Variants in CTNNA2 observed in about 807,000 individuals in gnomAD.
CTNNA2 encodes catenin alpha-2.
In CTNNA2, 42 loss-of-function variants were observed where a neutral mutation model predicts 101.0. That is an observed-to-expected ratio of 0.42 (90% CI 0.32 to 0.54). The LOEUF (loss-of-function observed/expected upper bound fraction) is 0.54. CTNNA2 is among the 20% of genes least tolerant of loss of function. The pLI, the probability that CTNNA2 is intolerant of heterozygous loss-of-function variation, is 0.14. For missense variants in CTNNA2, 871 were observed against 1,223.1 expected (o/e 0.71, Z 4.29); for synonymous variants, 450 against 456.4 (o/e 0.99, Z 0.18).
At chr2:80,131,383 A>C (rs1702406878) in intron 7 of CTNNA2, among the ~76,000 whole-genome samples, 1 of 152,168 alleles carries the variant, frequency 6.6e-6, no homozygotes, top group Non-Finnish European at 1.5e-5. Context: ...TCATTGAGGA[A>C]AGCTGGGTGG....
At chr2:79,313,884 TCTC>T (rs1384912643) in intron 3 of CTNNA2, among the ~76,000 whole-genome samples, 1 of 152,018 alleles carries the variant, frequency 6.6e-6, no homozygotes, top group Admixed American at 6.5e-5. Flanking sequence ...GGAAAGGAAC[TCTC>T]CTCATATGAC....
At position 80,069,760 on chromosome 2, in the gene CTNNA2, G is replaced by C. The variant is rs1471459214; in HGVS notation, c.1056+159963G>C. 2.0e-5 allele frequency among the ~76,000 whole-genome samples: 3 copies of C among 152,292 alleles called. No individual in the cohort carries two copies. In the South Asian group the frequency reaches 6.2e-4, roughly 32 times the overall value. ...TAATAAGAAAGAAATACTCATGTCA[G>C]TGACAGTCCTCCTTTCTGTAAATGG... On this transcript the variant is annotated intron_variant, in intron 7 of 18. Transcript: ENST00000402739.
intron 4 of CTNNA2, among the ~76,000 whole-genome samples, chr2:79,501,609 A>G (rs945595447): frequency 4.6e-5 from 7 of 152,196 alleles, no homozygotes; most frequent in Non-Finnish European, 8.8e-5. Context: ...CCAGTGCTTT[A>G]AAATCTTAGT....
intron 15 of CTNNA2, among the ~76,000 whole-genome samples, chr2:80,601,193 G>GT (rs1697473782): frequency 6.6e-6 from 1 of 151,902 alleles, no homozygotes; most frequent in African/African-American, 2.4e-5. Flanking sequence ...ATTTCTTTGG[G>GT]TTTTTTCTTC....
intron 9 of CTNNA2, among the ~76,000 whole-genome samples, chr2:80,423,115 T>G (rs1211496474): frequency 6.6e-6 from 1 of 152,116 alleles, no homozygotes; most frequent in Non-Finnish European, 1.5e-5. Flanking sequence ...TTGCAGATAG[T>G]TTATCAATTT....
At chr2:79,962,843 G>A (rs999233174) in intron 7 of CTNNA2, among the ~76,000 whole-genome samples, 15 of 152,002 alleles carry the variant, frequency 9.9e-5, no homozygotes, top group African/African-American at 2.2e-4. Flanking sequence ...AGGCCGAGGC[G>A]GGCGGATCAC....
chr2:80,545,942 A>G lies in CTNNA2; in HGVS notation c.1419A>G (p.Pro473=). 2 of 1,614,082 alleles carry G rather than the reference A, an allele frequency of 1.2e-6. No homozygotes were observed. The highest frequency in any genetic ancestry group is 1.3e-5 in the African/African-American group (1 of 75,042). The change falls in exon 11 of 19, where the codon CCA becomes CCG. Residue 473 remains proline, a synonymous_variant. Transcript: ENST00000402739. Reference sequence around the variant, plus strand: ...CCGCTCTGACACTGGCTGCCCGGCCACAGAGCAAAGTTGCTCAGGATAACA... The same window carrying G: ...CCGCTCTGACACTGGCTGCCCGGCCGCAGAGCAAAGTTGCTCAGGATAACA... ...INAALTLAAR[P]QSKVAQDNMD... is the part of the protein sequence containing the mutation.
At chr2:80,077,370 A>G (rs1017580775) in intron 7 of CTNNA2, among the ~76,000 whole-genome samples, 4 of 152,194 alleles carry the variant, frequency 2.6e-5, no homozygotes, top group Non-Finnish European at 4.4e-5. Flanking sequence ...GAAACAACCC[A>G]TGTAACTTCA....
chr2:79,548,627 T>G (rs1356319339), intron 1 of CTNNA2, among the ~76,000 whole-genome samples: 2 of 152,224 alleles, frequency 1.3e-5, no homozygotes, highest in Non-Finnish European at 2.9e-5. Flanking sequence ...GCATCACTTA[T>G]TTGTATATGT....
intron 1 of CTNNA2, among the ~76,000 whole-genome samples, chr2:79,194,917 A>G (rs534836645): frequency 1.3e-5 from 2 of 152,262 alleles, no homozygotes; most frequent in East Asian, 3.9e-4. Flanking sequence ...TTTTTCTGCA[A>G]CTTAATAACC....
At chr2:79,694,032 T>G (rs1424229708) in intron 2 of CTNNA2, among the ~76,000 whole-genome samples, 1 of 151,996 alleles carries the variant, frequency 6.6e-6, no homozygotes, top group Non-Finnish European at 1.5e-5. Flanking sequence ...TTGCACATAC[T>G]TATATGAATA....
rs536252326 is a variant in CTNNA2 at position 79,457,330 on chromosome 2, A to G, written c.-134-47724A>G. Among the ~76,000 whole-genome samples the G allele has an allele frequency of 3.3e-4, 51 of 152,340 alleles. 1 individual carries two copies. In the South Asian group the frequency reaches 0.01, roughly 30 times the overall value. ...ATGAAATTTTCCCTTTCCAAAGTCCACAGCAAACATGCATTCATAAAGCAT... is the reference window on the plus strand; with the variant it reads ...ATGAAATTTTCCCTTTCCAAAGTCCGCAGCAAACATGCATTCATAAAGCAT... On this transcript the variant is annotated intron_variant, in intron 4 of 21. Transcript: ENST00000466387.
intron 7 of CTNNA2, among the ~76,000 whole-genome samples, chr2:80,183,966 T>G (rs1050973824): frequency 6.6e-6 from 1 of 152,018 alleles, no homozygotes; most frequent in African/African-American, 2.4e-5. Context: ...GTCATCAACT[T>G]GTGAGCTTGT....
chr2:79,988,826 T>C (rs962965718), intron 7 of CTNNA2, among the ~76,000 whole-genome samples: 1 of 152,192 alleles, frequency 6.6e-6, no homozygotes, highest in Non-Finnish European at 1.5e-5. Flanking sequence ...TTCGATCAAA[T>C]GTTGCATATC....
At chr2:80,197,323 TA>T (rs1706903240) in intron 7 of CTNNA2, among the ~76,000 whole-genome samples, 1 of 152,152 alleles carries the variant, frequency 6.6e-6, no homozygotes, top group Admixed American at 6.5e-5. Context: ...TTTAAACTAT[TA>T]AATGAACAGA....
At chr2:80,141,381 A>G (rs928558342) in intron 7 of CTNNA2, among the ~76,000 whole-genome samples, 1 of 152,078 alleles carries the variant, frequency 6.6e-6, no homozygotes, top group African/African-American at 2.4e-5. Flanking sequence ...GTTTAACAGC[A>G]GTAAGGTTCA....
At chr2:79,502,694 T>C (rs902538878) in intron 4 of CTNNA2, among the ~76,000 whole-genome samples, 1 of 152,106 alleles carries the variant, frequency 6.6e-6, no homozygotes, top group Non-Finnish European at 1.5e-5. Flanking sequence ...AGGAGATGAG[T>C]TTTGTGGTGG....
At chr2:80,140,087 T>C (rs142959783) in intron 7 of CTNNA2, among the ~76,000 whole-genome samples, 118 of 152,256 alleles carry the variant, frequency 7.8e-4, no homozygotes, top group African/African-American at 2.8e-3. Context: ...ATTGGAACAA[T>C]AGGCAGGTCT....
intron 8 of CTNNA2, among the ~76,000 whole-genome samples, chr2:80,400,369 G>A (rs1031218888): frequency 1.3e-5 from 2 of 151,884 alleles, no homozygotes; most frequent in South Asian, 2.1e-4. Flanking sequence ...GCCTACTGTC[G>A]CCACCAGTCC....
Sources: gnomAD v4.1 joint callset for allele counts (sites outside exome capture counted in the v4.1 genomes callset) on GRCh38, gnomAD v4.1.1 for gene constraint, MANE v1.5 for transcripts, NCBI Gene and HGNC (gene_info 2026-07-23, HGNC 2026-07-21) for gene names.